Variants in NEDD9 observed in about 807,000 individuals in gnomAD.
NEDD9 encodes the protein neural precursor cell expressed, developmentally down-regulated 9.
NEDD9 carries 26 observed loss-of-function variants against 76.6 expected under a neutral mutation model. The ratio of observed to expected loss-of-function variants is 0.34; its 90% CI spans 0.25 to 0.47. NEDD9 has a LOEUF of 0.47. Ranked by LOEUF, NEDD9 falls within the 20% of genes least tolerant of loss-of-function variation. The probability of loss-of-function intolerance (pLI) is 1.00; values close to 1 mark genes in which losing one functional copy is unlikely to be tolerated. For missense variants in NEDD9, 937 were observed against 1,058.5 expected, an observed-to-expected ratio of 0.89 and a Z score of 1.59; for synonymous variants, 392 against 414.2, an observed-to-expected ratio of 0.95 and a Z score of 0.65.
intron 3 of NEDD9, among the ~76,000 whole-genome samples, chr6:11,253,081 A>G (rs1581984558): frequency 6.6e-6 from 1 of 152,202 alleles, no homozygotes; most frequent in Non-Finnish European, 1.5e-5. Context: ...CTGAGTCATA[A>G]AAAAGTCAGG....
intron 3 of NEDD9, among the ~76,000 whole-genome samples, chr6:11,288,540 C>A (rs988592365): frequency 6.6e-6 from 1 of 152,182 alleles, no homozygotes; most frequent in Non-Finnish European, 1.5e-5. Flanking sequence ...TTGCTCACAA[C>A]AGGGAACGTC....
intron 3 of NEDD9, among the ~76,000 whole-genome samples, chr6:11,271,093 G>A (rs1487184950): frequency 1.3e-5 from 2 of 152,154 alleles, no homozygotes; most frequent in Non-Finnish European, 2.9e-5. Flanking sequence ...GAATACAGTG[G>A]TGCTATCATA....
At chr6:11,225,733 C>A (rs900408442) in intron 1 of NEDD9, among the ~76,000 whole-genome samples, 2 of 151,374 alleles carry the variant, frequency 1.3e-5, no homozygotes, top group African/African-American at 4.9e-5. Context: ...GATCTCCTGA[C>A]CTCGTGATCC....
intron 3 of NEDD9, among the ~76,000 whole-genome samples, chr6:11,254,016 T>G (rs1759958886): frequency 6.6e-6 from 1 of 152,216 alleles, no homozygotes; most frequent in African/African-American, 2.4e-5. Flanking sequence ...CCAATTACAT[T>G]TGAATTTCAG....
At chr6:11,242,970 A>C (rs558040397) in intron 3 of NEDD9, among the ~76,000 whole-genome samples, 38 of 110,766 alleles carry the variant, frequency 3.4e-4, no homozygotes, top group African/African-American at 1.6e-3. Flanking sequence ...AAAAGAATAC[A>C]TATCACTCAG....
chr6:11,341,064 C>G (rs972809728), intron 1 of NEDD9, among the ~76,000 whole-genome samples: 14 of 152,170 alleles, frequency 9.2e-5, no homozygotes, highest in African/African-American at 4.8e-5. Context: ...ACTCTCTTCC[C>G]CTAGTTAGTT....
intron 1 of NEDD9, among the ~76,000 whole-genome samples, chr6:11,217,188 A>G (rs1458182554): frequency 1.3e-5 from 2 of 152,240 alleles, no homozygotes; most frequent in East Asian, 3.8e-4. Context: ...AATGAATTTC[A>G]GCTGGACCAT....
chr6:11,277,759 T>C (rs945108414), intron 3 of NEDD9, among the ~76,000 whole-genome samples: 1 of 152,192 alleles, frequency 6.6e-6, no homozygotes, highest in African/African-American at 2.4e-5. Context: ...CAATTCTCTT[T>C]CTGATTCTAC....
chr6:11,334,437 C>G (rs530605226), intron 2 of NEDD9: 11 of 152,258 alleles, frequency 7.2e-5, no homozygotes, highest in African/African-American at 2.4e-4. Context: ...AAGGGTGCCC[C>G]TGTTTTCTCT....
chr6:11,224,981 A>G (rs1165160661), intron 1 of NEDD9, among the ~76,000 whole-genome samples: 2 of 152,212 alleles, frequency 1.3e-5, no homozygotes, highest in Non-Finnish European at 2.9e-5. Context: ...GACATATACT[A>G]TCTAAATGCA....
chr6:11,331,124 G>T (rs1762028345), intron 2 of NEDD9, among the ~76,000 whole-genome samples: 1 of 152,154 alleles, frequency 6.6e-6, no homozygotes, highest in Non-Finnish European at 1.5e-5. Context: ...ATGTTCTGCA[G>T]GGCTCAAATG....
At chr6:11,221,998 GT>G (rs1207127560) in intron 1 of NEDD9, among the ~76,000 whole-genome samples, 6 of 152,120 alleles carry the variant, frequency 3.9e-5, no homozygotes, top group Non-Finnish European at 7.4e-5. Context: ...TAAGAATTAA[GT>G]TTTAATGGAG....
At chr6:11,247,344 G>A (rs759559015) in intron 3 of NEDD9, among the ~76,000 whole-genome samples, 72 of 152,280 alleles carry the variant, frequency 4.7e-4, no homozygotes, top group Non-Finnish European at 8.2e-4. Flanking sequence ...TGTCTGCCAT[G>A]TATGAATCCC....
In NEDD9 at chr6:11,263,440, T is replaced by C. The variant is rs9461579; in HGVS notation, c.12+42552A>G. 7.9e-3 allele frequency among the ~76,000 whole-genome samples: 1,197 copies of C among 152,306 alleles called. 17 individuals are homozygous for C. Among genetic ancestry groups the C allele is most frequent in the African/African-American group, 0.028 (1,154 of 41,564 alleles). ...ACTGCCTTTGCCAGCCCAGGCTTCA[T>C]TGGATTAGAAAGTAGTGGAAAAAAA... On this transcript the variant is annotated intron_variant, in intron 3 of 3. Coordinates refer to the NEDD9 transcript ENST00000397378.
intron 3 of NEDD9, among the ~76,000 whole-genome samples, chr6:11,268,725 TCA>T (rs112345199): frequency 2.9e-4 from 39 of 134,982 alleles, no homozygotes; most frequent in Non-Finnish European, 3.6e-4. Flanking sequence ...CGAAGCTCCA[TCA>T]CACACACACA....
chr6:11,300,905 C>A (rs1242560122), intron 3 of NEDD9, among the ~76,000 whole-genome samples: 1 of 152,164 alleles, frequency 6.6e-6, no homozygotes, highest in Non-Finnish European at 1.5e-5. Flanking sequence ...CTAGCCACTG[C>A]AAAAACATGC....
At chr6:11,359,283 T>C (rs1762635850) in intron 1 of NEDD9, among the ~76,000 whole-genome samples, 1 of 152,244 alleles carries the variant, frequency 6.6e-6, no homozygotes. Flanking sequence ...AAGCTTTCTA[T>C]AAAGCCTTCC....
intron 2 of NEDD9, among the ~76,000 whole-genome samples, chr6:11,210,237 C>A (rs1207649219): frequency 6.6e-6 from 1 of 152,148 alleles, no homozygotes; most frequent in Non-Finnish European, 1.5e-5. Context: ...GGATTAATTT[C>A]TCTGAGGGAA....
At chr6:11,373,624 G>A (rs1284383930) in intron 1 of NEDD9, among the ~76,000 whole-genome samples, 1 of 152,208 alleles carries the variant, frequency 6.6e-6, no homozygotes, top group Non-Finnish European at 1.5e-5. Context: ...GGCCCATACA[G>A]AGTCCTTAAC....
Sources: allele counts gnomAD v4.1 joint callset (sites outside exome capture counted in the v4.1 genomes callset), GRCh38; gene constraint gnomAD v4.1.1; transcripts MANE v1.5; gene names NCBI Gene and HGNC (gene_info 2026-07-23, HGNC 2026-07-21).